The following ARSL variants were observed in gnomAD, a reference collection of about 807,000 sequenced individuals.
The protein encoded by ARSL is arylsulfatase L.
A neutral mutation model predicts 31.1 loss-of-function variants in ARSL; 4 were observed. The ratio of observed to expected loss-of-function variants is 0.13; its 90% CI spans 0.06 to 0.29. ARSL has a LOEUF of 0.29. Ranked by LOEUF, ARSL falls within the 10% of genes least tolerant of loss-of-function variation. The pLI is 1.00. For missense variants in ARSL, 312 were observed against 497.8 expected, an observed-to-expected ratio of 0.63 and a Z score of 3.55; for synonymous variants, 198 against 209.9, an observed-to-expected ratio of 0.94 and a Z score of 0.49.
chrX:2,957,715 A>G (rs1906729654), intron 3 of ARSL, among the ~76,000 whole-genome samples: 1 of 109,595 alleles, frequency 9.1e-6, no homozygotes, highest in South Asian at 3.9e-4. Context: ...TCTCAAAAAA[A>G]AAAAAAAAAA....
chrX:2,965,469 C>G (rs1268317269), upstream of ARSL, among the ~76,000 whole-genome samples: 1 of 108,475 alleles, frequency 9.2e-6, no homozygotes, highest in Non-Finnish European at 1.9e-5. Flanking sequence ...GCATTGTACT[C>G]CAGCCTCAGC....
chrX:2,942,929 C>G lies in ARSL; in HGVS notation c.1126+136G>C, dbSNP rs896909267. ...ATTCAAACTGGAGTATGTCAAATTA[C>G]CACTTTTGCCCTGGATAGGAAAAAT... On this transcript the variant is annotated intron_variant, in intron 8 of 10. Transcript: ENST00000381134. 4.4e-6 allele frequency: 4 copies of G among 901,111 alleles called. No individual in the cohort carries two copies. The South Asian group carries it at 8.5e-5, about 19-fold the overall frequency. 74.3% of individuals were successfully genotyped at this position (901,111 alleles called of 1,213,427 possible). A position where few individuals can be genotyped will look rare whatever the true frequency, so the allele number is the denominator to read the frequency against.
chrX:2,964,568 T>A, upstream of ARSL: 1 of 536,274 alleles, frequency 1.9e-6, no homozygotes, highest in Non-Finnish European at 2.3e-6. Flanking sequence ...CTGCCCTCCT[T>A]GGCCTCCCGA....
chrX:2,949,393 C>T lies in ARSL; in HGVS notation c.765G>A (p.Leu255=). 8.3e-7 allele frequency: 1 copy of T among 1,211,268 alleles called. No individual in the cohort carries two copies. Among genetic ancestry groups the T allele is most frequent in the Non-Finnish European group, 1.1e-6 (1 of 895,466 alleles). ...GCTCCGTGATGGTGTGGTTTCTCAT[C>T]AGAAAGCAATCGGCATGGACAATCA... ...GALIVHADCF[L]MRNHTITEQP... Residue 255 remains leucine (L), a synonymous_variant, in exon 6 of 11, where the codon CTG becomes CTA. Transcript: ENST00000381134.
chrX:2,950,060 C>T lies in ARSL; in HGVS notation c.431-333G>A, dbSNP rs571993580. Among the ~76,000 whole-genome samples, 33 of 112,003 alleles carry T rather than the reference C, an allele frequency of 2.9e-4. No homozygotes were observed. The South Asian group carries it at 7.6e-3, about 26-fold the overall frequency. ...CTGAGATCAAAGTGTCTCCAGGCCA[C>T]ACTCAAATTGGAGGCTCTAGGGGAG... On this transcript the variant is annotated intron_variant, in intron 5 of 10. Coordinates refer to ENST00000381134, the MANE Select transcript of ARSL (RefSeq NM_000047.3).
At position 2,949,734 on chromosome X, in the gene ARSL, G is replaced by A. The variant is rs1479675119; in HGVS notation, c.431-7C>T. The A allele has an allele frequency of 2.0e-5, 24 of 1,208,702 alleles. No homozygotes were observed. The highest frequency in any genetic ancestry group is 2.7e-5 in the Non-Finnish European group (24 of 893,693). ...AGACCCAGATGCCATTTTCCTGAGA[G>A]GCAAAAAGGATGTTGATGTGACAAG... On this transcript the variant is annotated splice_polypyrimidine_tract_variant and splice_region_variant and intron_variant, in intron 5 of 10. Coordinates refer to ENST00000381134, the MANE Select transcript of ARSL (RefSeq NM_000047.3).
chrX:2,962,703 G>T (rs143956309), intron 1 of ARSL, among the ~76,000 whole-genome samples: 50 of 111,846 alleles, frequency 4.5e-4, no homozygotes, highest in Non-Finnish European at 8.3e-4. Context: ...TTCTGAGAAA[G>T]ACAATGAGCT....
chrX:2,946,122 C>T lies in ARSL; in HGVS notation c.867G>A (p.Gly289=), dbSNP rs587783181. Residue 289 remains glycine, a synonymous_variant, in exon 7 of 11, where the codon GGG becomes GGA. Transcript: ENST00000381134. ...GAAAGGAAACAAAGAGGAGGAAAGG[C>T]CCATGCTTATTCCTAAAAATAAATA... is the stretch of plus-strand genomic sequence containing the variant. ...VASFLKRNKH[G]PFLLFVSFLH... 4 of 1,208,031 alleles carry T rather than the reference C, an allele frequency of 3.3e-6. No individual in the cohort carries two copies. The African/African-American group carries it at 7.1e-5, about 21-fold the overall frequency.
At position 2,960,821 on chromosome X, in the gene ARSL, C is replaced by T. The variant is rs772032977; in HGVS notation, c.-20-401G>A. 7.2e-5 allele frequency among the ~76,000 whole-genome samples: 8 copies of T among 110,791 alleles called. 1 individual carries two copies. The South Asian group carries it at 3.1e-3, about 43-fold the overall frequency. On this transcript the variant is annotated intron_variant, in intron 1 of 10. Transcript: ENST00000381134. The stretch of plus-strand genomic sequence containing the variant: ...CCAGGGCAGGGGTGATTCCTAATGT[C>T]CAGAAATGCAGAGAGAGAGTCCTGA...
rs1168243897 is a variant in ARSL, at chrX:2,949,532, A to T, written c.626T>A (p.Leu209His). 1 of 1,208,601 alleles carries T rather than the reference A, an allele frequency of 8.3e-7. No homozygotes were observed. The highest frequency in any genetic ancestry group is 1.1e-6 in the Non-Finnish European group (1 of 894,930). Residue 209 changes from leucine (L) to histidine (H), a missense_variant, in exon 6 of 11, where the codon CTC becomes CAC. Transcript: ENST00000381134. ...TGTGAGCTTCCCTGCTACCAGTGTGAGGGCAACCAAGGCCAGGACTTGGAA... is the reference window on the plus strand; with the variant it reads ...TGTGAGCTTCCCTGCTACCAGTGTGTGGGCAACCAAGGCCAGGACTTGGAA... Reference protein sequence around the residue: ...FLFQVLALVALTLVAGKLTHL... With the variant: ...FLFQVLALVAHTLVAGKLTHL...
At chrX:2,951,627 A>AAAAAAAAAG (rs1569106700) in intron 5 of ARSL, among the ~76,000 whole-genome samples, 1 of 105,573 alleles carries the variant, frequency 9.5e-6, no homozygotes, top group Non-Finnish European at 1.9e-5. Context: ...AAAAAAAAAA[A>AAAAAAAAAG]AAAAAAAAGA....
intron 7 of ARSL, among the ~76,000 whole-genome samples, chrX:2,945,253 C>T (rs938398922): frequency 2.7e-5 from 3 of 110,702 alleles, no homozygotes; most frequent in African/African-American, 9.9e-5. Flanking sequence ...GTGGCGTCCA[C>T]GTGGCCAGAA....
chrX:2,935,692 CTTTTT>C (rs61012417), intron 10 of ARSL, among the ~76,000 whole-genome samples: 2 of 40,370 alleles, frequency 5.0e-5, no homozygotes, highest in Non-Finnish European at 7.1e-5. Flanking sequence ...CTTTTCTTTT[CTTTTT>C]TTTTTTTTTT....
In ARSL at chrX:2,949,691, C is replaced by T. The variant is rs41310272; in HGVS notation, c.467G>A (p.Ser156Asn). 3.6e-4 allele frequency: 433 copies of T among 1,209,908 alleles called. 1 individual carries two copies. Among genetic ancestry groups the T allele is most frequent in the Non-Finnish European group, 4.5e-4 (402 of 895,215 alleles). Residue 156 changes from serine to asparagine, a missense_variant, in exon 6 of 11, where the codon AGT becomes AAT. Coordinates refer to ENST00000381134, the MANE Select transcript of ARSL (RefSeq NM_000047.3). ...WHLGLNCESA[S>N]DHCHHPLHHG... ...ATGGAGAGGGTGGTGGCAATGATCA[C>T]TGGCTGACTCACAGTTGAGACCCAG... is the stretch of plus-strand genomic sequence containing the variant.
At chrX:2,937,618 A>G (rs2089221427) in intron 9 of ARSL, among the ~76,000 whole-genome samples, 1 of 110,648 alleles carries the variant, frequency 9.0e-6, no homozygotes, top group South Asian at 3.9e-4. Context: ...GGGGTCTAAA[A>G]GAACTCCCCA....
chrX:2,967,052 T>C (rs941043364), upstream of ARSL, among the ~76,000 whole-genome samples: 2 of 111,841 alleles, frequency 1.8e-5, no homozygotes, highest in African/African-American at 3.2e-5. Flanking sequence ...ATAGTACATA[T>C]ATACATATAA....
rs931075740 is a variant in ARSL at position 2,943,316 on chromosome X, C to T, written c.992-117G>A. 4.9e-5 allele frequency: 46 copies of T among 930,501 alleles called. No individual in the cohort carries two copies. In the Middle Eastern group the frequency reaches 1.2e-3, roughly 24 times the overall value. The allele number at this position is 930,501 out of a possible 1,213,427, so 76.7% of individuals were successfully genotyped here. A position where few individuals can be genotyped will look rare whatever the true frequency, so the allele number is the denominator to read the frequency against. On this transcript the variant is annotated intron_variant, in intron 7 of 10. Coordinates refer to ENST00000381134, the MANE Select transcript of ARSL (RefSeq NM_000047.3). ...CACAAGAATGAAGCCTTAGTTTTAA[C>T]GCATAATGGAAGTCAGCTGTTGGAT...
chrX:2,950,398 T>C (rs144545202), intron 5 of ARSL, among the ~76,000 whole-genome samples: 1,502 of 111,857 alleles, frequency 0.013, 28 homozygotes, highest in African/African-American at 0.045. Flanking sequence ...CAAAGGATAA[T>C]TAATGTAAAA....
rs1085307895 is a variant in ARSL, at chrX:2,953,242, G to A, written c.331C>T (p.Arg111Cys). ...GATGCTCCGGTCCACTGAAGAACAC[G>A]GTAACCAATGCTGGAAACCATCCCT... ...RSGMVSSIGY[R>C]VLQWTGASGG... Residue 111 changes from arginine to cysteine, a missense_variant, in exon 5 of 11, where the codon CGT becomes TGT. By Grantham distance (180) the Arg-to-Cys change is radical (BLOSUM62 -3). Coordinates refer to ENST00000381134, the MANE Select transcript of ARSL (RefSeq NM_000047.3). 8.3e-7 allele frequency: 1 copy of A among 1,209,501 alleles called. No homozygotes were observed. The highest frequency in any genetic ancestry group is 1.1e-6 in the Non-Finnish European group (1 of 894,030).
Sources: gnomAD v4.1 joint callset for allele counts (sites outside exome capture counted in the v4.1 genomes callset) on GRCh38, gnomAD v4.1.1 for gene constraint, MANE v1.5 for transcripts, NCBI Gene and HGNC (gene_info 2026-07-23, HGNC 2026-07-21) for gene names.